The following MAD1L1 variants were observed in gnomAD, a reference collection of about 807,000 sequenced individuals.
MAD1L1 encodes the protein mitotic arrest deficient 1 like 1.
In MAD1L1, 95 loss-of-function variants were observed where a neutral mutation model predicts 96.9. The observed-to-expected ratio is 0.98, with a 90% CI of 0.83 to 1.16. The LOEUF is 1.16. Among genes scored for constraint, MAD1L1 ranks in the 50% most tolerant of loss-of-function variants. The pLI is 0.00. For synonymous variants in MAD1L1, 473 were observed against 396.6 expected (o/e 1.19, Z -2.29); for missense variants, 1,007 against 954.4 (o/e 1.06, Z -0.73).
At chr7:2,127,302 G>A (rs774099921) in intron 11 of MAD1L1, among the ~76,000 whole-genome samples, 6 of 152,136 alleles carry the variant, frequency 3.9e-5, no homozygotes, top group Non-Finnish European at 7.4e-5. Flanking sequence ...ACAAAGGAGC[G>A]GCAACTCACC....
chr7:1,841,221 T>C (rs1288752330), intron 18 of MAD1L1, among the ~76,000 whole-genome samples: 1 of 151,882 alleles, frequency 6.6e-6, no homozygotes, highest in East Asian at 1.9e-4. Flanking sequence ...GGGTTAAAAA[T>C]ATCCCCGTAA....
intron 17 of MAD1L1, among the ~76,000 whole-genome samples, chr7:1,918,735 T>C (rs1335563097): frequency 1.3e-5 from 2 of 152,126 alleles, no homozygotes; most frequent in African/African-American, 4.8e-5. Context: ...TTAACTGGAG[T>C]GCCAGCCAGC....
At chr7:1,933,108 G>A (rs1378826417) in intron 17 of MAD1L1, among the ~76,000 whole-genome samples, 2 of 151,956 alleles carry the variant, frequency 1.3e-5, no homozygotes, top group East Asian at 1.9e-4. Flanking sequence ...CCCCGCTGAC[G>A]CTGTGTTTCT....
intron 11 of MAD1L1, among the ~76,000 whole-genome samples, chr7:2,144,731 C>T (rs570586633): frequency 1.3e-5 from 2 of 152,146 alleles, no homozygotes; most frequent in South Asian, 2.1e-4. Flanking sequence ...CTGTGTGAAG[C>T]GTGAGCAGAG....
At chr7:1,874,505 C>T in intron 18 of MAD1L1, 1 of 455,414 alleles carries the variant, frequency 2.2e-6, no homozygotes, top group Non-Finnish European at 4.4e-6. Flanking sequence ...TCTTGATAAT[C>T]CTATAGCTTT....
intron 13 of MAD1L1, among the ~76,000 whole-genome samples, chr7:2,005,192 G>A (rs949205809): frequency 6.6e-6 from 1 of 152,190 alleles, no homozygotes; most frequent in African/African-American, 2.4e-5. Context: ...GACAGCAGAG[G>A]GCATCACAGG....
intron 10 of MAD1L1, among the ~76,000 whole-genome samples, chr7:2,180,981 C>T (rs1791173562): frequency 6.6e-6 from 1 of 152,206 alleles, no homozygotes; most frequent in South Asian, 2.1e-4. Flanking sequence ...TTTCTTCTCT[C>T]TCTGCTTTAT....
At chr7:1,873,547 C>G (rs923896573) in intron 18 of MAD1L1, among the ~76,000 whole-genome samples, 7 of 150,918 alleles carry the variant, frequency 4.6e-5, no homozygotes, top group African/African-American at 1.5e-4. Context: ...CACCTGGGCT[C>G]TCTACGGATG....
chr7:1,950,821 C>T (rs1054764769), intron 16 of MAD1L1, among the ~76,000 whole-genome samples: 5 of 152,348 alleles, frequency 3.3e-5, no homozygotes, highest in East Asian at 3.9e-4. Context: ...CAGTGAGCAC[C>T]GCGGTGGGTC....
At chr7:1,827,623 G>A (rs1562431962) in intron 18 of MAD1L1, among the ~76,000 whole-genome samples, 1 of 116,160 alleles carries the variant, frequency 8.6e-6, no homozygotes, top group African/African-American at 3.3e-5. Context: ...CTCCCCTCCT[G>A]AGCCCCGCCC....
chr7:1,987,604 C>T (rs1039433431), intron 14 of MAD1L1, among the ~76,000 whole-genome samples: 17 of 152,166 alleles, frequency 1.1e-4, no homozygotes, highest in East Asian at 5.8e-4. Context: ...AGAGCAAATG[C>T]GAGGATGGTC....
chr7:1,836,524 T>C lies in MAD1L1; in HGVS notation c.1999-20296A>G, dbSNP rs373101506. On this transcript the variant is annotated intron_variant, in intron 18 of 18. Transcript: ENST00000265854. ...TATTTCACCCAGTCCTTATTCAAAA[T>C]GGAGTCACTCTGGTTCAAATGCCTC... 7.4e-4 allele frequency among the ~76,000 whole-genome samples: 112 copies of C among 152,342 alleles called. 2 individuals carry two copies. In the East Asian group the frequency reaches 0.016, roughly 22 times the overall value.
intron 14 of MAD1L1, among the ~76,000 whole-genome samples, chr7:1,982,737 A>C (rs1466254536): frequency 6.6e-6 from 1 of 152,172 alleles, no homozygotes; most frequent in Non-Finnish European, 1.5e-5. Context: ...CTCCAGAATA[A>C]TACGAAATCA....
intron 12 of MAD1L1, among the ~76,000 whole-genome samples, chr7:2,047,686 A>G (rs1179453617): frequency 6.6e-6 from 1 of 152,252 alleles, no homozygotes; most frequent in Non-Finnish European, 1.5e-5. Context: ...GTGCGCACAC[A>G]GCACTCACAC....
At chr7:1,858,594 G>A (rs1021527217) in intron 18 of MAD1L1, among the ~76,000 whole-genome samples, 17 of 152,214 alleles carry the variant, frequency 1.1e-4, no homozygotes, top group African/African-American at 4.1e-4. Flanking sequence ...CAGGACGCCC[G>A]CGGTGCCTCC....
At chr7:2,078,417 G>A (rs924161417) in intron 11 of MAD1L1, among the ~76,000 whole-genome samples, 7 of 152,226 alleles carry the variant, frequency 4.6e-5, no homozygotes, top group African/African-American at 9.6e-5. Context: ...CGTGAAGCAC[G>A]AGAGCATCAA....
At chr7:2,138,102 C>T (rs867374346) in intron 11 of MAD1L1, among the ~76,000 whole-genome samples, 4 of 152,380 alleles carry the variant, frequency 2.6e-5, no homozygotes, top group Middle Eastern at 3.4e-3. Context: ...CCACGCTGCG[C>T]TCTCACCACC....
At position 2,146,272 on chromosome 7, in the gene MAD1L1, G is replaced by A. The variant is rs1009801058; in HGVS notation, c.1073+2880C>T. 3.3e-5 allele frequency among the ~76,000 whole-genome samples: 5 copies of A among 149,880 alleles called. No homozygotes were observed. The highest frequency in any genetic ancestry group is 1.3e-4 in the African/African-American group (5 of 39,464). The stretch of plus-strand genomic sequence containing the variant: ...GGAGCACCGGGCACTGGGCTACGAG[G>A]AACAGGGTACCACCTCGATGAGGGA... On this transcript the variant is annotated intron_variant, in intron 11 of 18. Transcript: ENST00000265854. The surrounding 1 kb of genome is among the most constrained non-coding windows in gnomAD (Gnocchi z 6.2).
chr7:2,040,643 G>A (rs765925368), intron 12 of MAD1L1, among the ~76,000 whole-genome samples: 7 of 152,274 alleles, frequency 4.6e-5, no homozygotes, highest in East Asian at 3.9e-4. Context: ...GCTGGGGAGC[G>A]TCGGCATTTT....
Sources: allele counts gnomAD v4.1 joint callset (sites outside exome capture counted in the v4.1 genomes callset), GRCh38; gene constraint gnomAD v4.1.1; non-coding constraint Gnocchi (gnomAD v3.1); transcripts MANE v1.5; gene names NCBI Gene and HGNC (gene_info 2026-07-23, HGNC 2026-07-21).